The following NFATC2 variants were observed in gnomAD, a reference collection of about 807,000 sequenced individuals.
NFATC2 encodes the protein nuclear factor of activated T cells 2.
Under a neutral mutation model 87.3 loss-of-function variants are expected in NFATC2, and 22 were observed. The observed-to-expected ratio is 0.25, with a 90% CI of 0.18 to 0.36. The LOEUF (loss-of-function observed/expected upper bound fraction) is 0.36, where lower values mean the gene tolerates loss of function less well. NFATC2 is among the 10% of genes least tolerant of loss of function. The probability of loss-of-function intolerance (pLI) is 1.00; values close to 1 mark genes in which losing one functional copy is unlikely to be tolerated. For synonymous variants in NFATC2, 565 were observed against 542.2 expected, an observed-to-expected ratio of 1.04 and a Z score of -0.58; for missense variants, 1,149 against 1,259.1, an observed-to-expected ratio of 0.91 and a Z score of 1.32.
chr20:51,519,914 TA>T (rs764620449), intron 2 of NFATC2, among the ~76,000 whole-genome samples: 1,809 of 128,378 alleles, frequency 0.014, 14 homozygotes, highest in African/African-American at 0.031. Flanking sequence ...AGACTCCATC[TA>T]AAAAAAAAAA....
intron 3 of NFATC2, among the ~76,000 whole-genome samples, chr20:51,503,886 C>T (rs2076132825): frequency 6.6e-6 from 1 of 152,232 alleles, no homozygotes; most frequent in African/African-American, 2.4e-5. Flanking sequence ...CTCTGTCACC[C>T]AGGCTGGAGT....
intron 1 of NFATC2, among the ~76,000 whole-genome samples, chr20:51,552,314 G>A (rs2076941172): frequency 6.6e-6 from 1 of 151,222 alleles, no homozygotes; most frequent in Non-Finnish European, 1.5e-5. Flanking sequence ...GTGTGTCTGT[G>A]TGTGTATATA....
intron 10 of NFATC2, among the ~76,000 whole-genome samples, chr20:51,397,991 G>T (rs74499573): frequency 1.4e-4 from 22 of 152,128 alleles, no homozygotes; most frequent in African/African-American, 5.3e-4. Flanking sequence ...TCTTCTTAGC[G>T]GCCAGGCTCC....
intron 9 of NFATC2, among the ~76,000 whole-genome samples, chr20:51,426,908 T>C (rs1981919295): frequency 6.6e-6 from 1 of 151,974 alleles, no homozygotes; most frequent in African/African-American, 2.4e-5. Flanking sequence ...ATTAAGCACT[T>C]TACATGAAGA....
At chr20:51,439,381 G>GGGGAAGCCGGATTGGAACCC (rs1984014817) in intron 6 of NFATC2, among the ~76,000 whole-genome samples, 1 of 152,182 alleles carries the variant, frequency 6.6e-6, no homozygotes, top group African/African-American at 2.4e-5. Context: ...CAGACCCTGT[G>GGGGAAGCCGGATTGGAACCC]GGGAAGCCGG....
chr20:51,416,487 T>C (rs996644675), intron 9 of NFATC2, among the ~76,000 whole-genome samples: 1 of 152,154 alleles, frequency 6.6e-6, no homozygotes, highest in Non-Finnish European at 1.5e-5. Context: ...ATGAAGGGGT[T>C]TCACATCTGT....
chr20:51,415,989 T>C (rs935883760), intron 9 of NFATC2, among the ~76,000 whole-genome samples: 1 of 152,000 alleles, frequency 6.6e-6, no homozygotes, highest in African/African-American at 2.4e-5. Context: ...CTGCCAGGTG[T>C]GGTGACTCGT....
At chr20:51,444,130 T>C (rs995994032) in intron 6 of NFATC2, among the ~76,000 whole-genome samples, 4 of 151,970 alleles carry the variant, frequency 2.6e-5, no homozygotes, top group African/African-American at 9.7e-5. Flanking sequence ...TACAGGCACA[T>C]GCCACCACGG....
intron 10 of NFATC2, 38 bp from the exon 11 acceptor site, chr20:51,391,489 G>C (rs764383472): frequency 1.9e-6 from 3 of 1,598,740 alleles, no homozygotes; most frequent in East Asian, 2.2e-5. Flanking sequence ...AGAGAGAATG[G>C]GGCAAGTGAG....
chr20:51,421,823 G>C (rs1980968063), intron 9 of NFATC2, among the ~76,000 whole-genome samples: 2 of 152,188 alleles, frequency 1.3e-5, no homozygotes, highest in Non-Finnish European at 2.9e-5. Context: ...AGCCCATGGA[G>C]CACCAGTTGG....
intron 5 of NFATC2, among the ~76,000 whole-genome samples, chr20:51,461,411 A>G (rs1987134944): frequency 6.6e-6 from 1 of 152,112 alleles, no homozygotes; most frequent in African/African-American, 2.4e-5. Flanking sequence ...TGAAGTCTTG[A>G]CCTCTGCTCC....
rs146215855 is a variant in NFATC2 at position 51,524,978 on chromosome 20, G to A, written c.131-868C>T. ...CTCACACCTGGAATCCCGGCACTTC[G>A]GGAGGCTGAGGCGGGCAGATCACTT... On this transcript the variant is annotated intron_variant, in intron 1 of 10. Coordinates refer to ENST00000371564, the MANE Select transcript of NFATC2 (RefSeq NM_012340.5). The surrounding 1 kb of genome is among the most constrained non-coding windows in gnomAD (Gnocchi z 4.0). Among the ~76,000 whole-genome samples, 28 of 152,232 alleles carry A rather than the reference G, an allele frequency of 1.8e-4. No homozygotes were observed. The East Asian group carries it at 3.7e-3, about 20-fold the overall frequency.
intron 9 of NFATC2, among the ~76,000 whole-genome samples, chr20:51,417,807 C>G (rs1980256544): frequency 6.7e-6 from 1 of 149,182 alleles, no homozygotes; most frequent in Non-Finnish European, 1.5e-5. Flanking sequence ...AAGGAAAGAA[C>G]ACCAGTTGAT....
intron 9 of NFATC2, among the ~76,000 whole-genome samples, chr20:51,413,633 C>T (rs908952919): frequency 6.6e-6 from 1 of 152,088 alleles, no homozygotes; most frequent in African/African-American, 2.4e-5. Flanking sequence ...TGGCACACGC[C>T]TATAGTCCAG....
intron 4 of NFATC2, among the ~76,000 whole-genome samples, chr20:51,475,076 C>A (rs1381937973): frequency 6.6e-6 from 1 of 150,806 alleles, no homozygotes; most frequent in South Asian, 2.1e-4. Flanking sequence ...TCAAGCAATT[C>A]TCCTGCCTCA....
intron 3 of NFATC2, among the ~76,000 whole-genome samples, chr20:51,489,196 G>A (rs544983231): frequency 2.6e-5 from 4 of 152,070 alleles, no homozygotes; most frequent in African/African-American, 9.7e-5. Flanking sequence ...TCAAAAAAAA[G>A]AAGTGTGCAG....
In NFATC2 at chr20:51,391,507, C is replaced by T. The variant is rs73615383; in HGVS notation, c.*45-56G>A. ...GAGAATGGGGCAAGTGAGAGGGCAC[C>T]GAAAACATGCATCAGGTTCACTTTC... On this transcript the variant is annotated intron_variant, in intron 10 of 10. Transcript: ENST00000371564. The T allele has an allele frequency of 5.3e-4, 826 of 1,549,100 alleles. 2 individuals carry two copies. The highest frequency in any genetic ancestry group is 7.1e-4 in the Non-Finnish European group (801 of 1,128,566).
chr20:51,389,037 A>T lies in NFATC2; in HGVS notation c.*2459T>A, dbSNP rs186388526. 6.6e-6 allele frequency: 1 copy of T among 152,318 alleles called. No homozygotes were observed. The highest frequency in any genetic ancestry group is 6.5e-5 in the Admixed American group (1 of 15,298). The allele number at this position is 152,318 out of a possible 1,614,324, so 9.4% of individuals were successfully genotyped here. A position where few individuals can be genotyped will look rare whatever the true frequency, so the allele number is the denominator to read the frequency against. The stretch of plus-strand genomic sequence containing the variant: ...CTTTCTCTTGCCTGTTTATGTCTCA[A>T]ATCTAATGCTTTTGTTTCTCTTTCC... On this transcript the variant is annotated 3_prime_UTR_variant, in exon 11 of 11. Coordinates refer to ENST00000371564, the MANE Select transcript of NFATC2 (RefSeq NM_012340.5).
intron 5 of NFATC2, among the ~76,000 whole-genome samples, chr20:51,468,318 T>TA (rs11482430): frequency 0.68 from 103,592 of 151,876 alleles, 35,803 homozygotes; most frequent in East Asian, 0.83. Context: ...TATACCTCCA[T>TA]AAAAATATAT....
Sources: gnomAD v4.1 joint callset for allele counts (sites outside exome capture counted in the v4.1 genomes callset) on GRCh38, gnomAD v4.1.1 for gene constraint, Gnocchi (gnomAD v3.1) non-coding constraint, MANE v1.5 for transcripts, NCBI Gene and HGNC (gene_info 2026-07-23, HGNC 2026-07-21) for gene names.